The following ZNF638 variants were observed in gnomAD, a reference collection of about 807,000 sequenced individuals.
ZNF638 encodes the protein zinc finger protein 638.
Under a neutral mutation model 195.6 loss-of-function variants are expected in ZNF638, and 46 were observed. That is an observed-to-expected ratio of 0.24 (90% confidence interval 0.19 to 0.30). ZNF638 has a LOEUF of 0.30. Among genes scored for constraint, ZNF638 ranks in the 10% least tolerant of loss-of-function variants. The pLI is 1.00. For missense variants in ZNF638, 2,440 were observed against 2,325.3 expected, an observed-to-expected ratio of 1.05 and a Z score of -1.01; for synonymous variants, 845 against 772.0, an observed-to-expected ratio of 1.09 and a Z score of -1.57.
At chr2:71,403,539 C>G (rs529464015) in intron 16 of ZNF638, among the ~76,000 whole-genome samples, 2 of 152,236 alleles carry the variant, frequency 1.3e-5, no homozygotes, top group South Asian at 4.1e-4. Flanking sequence ...AGAAATATAT[C>G]TGCTACATGC....
At chr2:71,426,331 G>A (rs530611929) in intron 23 of ZNF638, 129 bp from the exon 24 acceptor site, 1 of 663,374 alleles carries the variant, frequency 1.5e-6, no homozygotes, top group Admixed American at 3.5e-5. Flanking sequence ...CTTAATTTTA[G>A]CCTTTAGGAA....
rs368438619 is a variant in ZNF638, at chr2:71,430,740, C to T, written c.5651-587C>T. On this transcript the variant is annotated intron_variant, in intron 25 of 27. Coordinates refer to ENST00000264447, the MANE Select transcript of ZNF638 (RefSeq NM_014497.5). ...AGGCAACAGTAAGGCATTTCAGCTA[C>T]TGAGGGTAATCAGAATTGCTTGGAA... 1.2e-3 allele frequency among the ~76,000 whole-genome samples: 186 copies of T among 152,306 alleles called. 7 individuals carry two copies. The South Asian group carries it at 0.037, about 30-fold the overall frequency.
chr2:71,391,614 T>C (rs1181507434), intron 10 of ZNF638, among the ~76,000 whole-genome samples: 2 of 152,238 alleles, frequency 1.3e-5, no homozygotes, highest in Non-Finnish European at 2.9e-5. Context: ...CTTGGAAATA[T>C]CTTAGGTACA....
intron 11 of ZNF638, among the ~76,000 whole-genome samples, chr2:71,397,469 G>A (rs1438817719): frequency 1.3e-5 from 2 of 152,110 alleles, no homozygotes; most frequent in African/African-American, 2.4e-5. Context: ...TAAACTTTCA[G>A]TTGATTTTTT....
chr2:71,396,643 A>T (rs1384253408), intron 11 of ZNF638, among the ~76,000 whole-genome samples: 1 of 152,170 alleles, frequency 6.6e-6, no homozygotes. Context: ...ATAGAAATCA[A>T]TGTATTAAAT....
At chr2:71,350,616 G>C (rs2078923888) in intron 2 of ZNF638, among the ~76,000 whole-genome samples, 1 of 152,160 alleles carries the variant, frequency 6.6e-6, no homozygotes, top group Non-Finnish European at 1.5e-5. Flanking sequence ...AAAAGGATCT[G>C]TTAGTATAAA....
intron 2 of ZNF638, among the ~76,000 whole-genome samples, chr2:71,354,303 T>C (rs1250097758): frequency 6.6e-6 from 1 of 151,658 alleles, no homozygotes; most frequent in Non-Finnish European, 1.5e-5. Flanking sequence ...TTTAACTAAT[T>C]GTTTCACCTT....
At chr2:71,393,971 T>C (rs1375239679) in intron 10 of ZNF638, among the ~76,000 whole-genome samples, 1 of 152,198 alleles carries the variant, frequency 6.6e-6, no homozygotes, top group African/African-American at 2.4e-5. Context: ...GGAATTGCCT[T>C]AACATTCTTG....
At chr2:71,404,145 C>T (rs1351173705) in intron 17 of ZNF638, 147 bp downstream of exon 17, 3 of 725,614 alleles carry the variant, frequency 4.1e-6, no homozygotes, top group Admixed American at 2.6e-5. Flanking sequence ...CAACAATCAC[C>T]CAGTCACCCA....
intron 2 of ZNF638, among the ~76,000 whole-genome samples, chr2:71,350,624 A>G (rs2078924004): frequency 6.6e-6 from 1 of 152,236 alleles, no homozygotes; most frequent in Admixed American, 6.5e-5. Flanking sequence ...CTGTTAGTAT[A>G]AAAATACAAA....
At position 71,369,950 on chromosome 2, in the gene ZNF638, T is replaced by A; in HGVS notation, c.2210T>A (p.Leu737His). The change falls in exon 8 of 28, where the codon CTT (leucine) becomes CAT (histidine). Residue 737 changes from leucine (L) to histidine (H), a missense_variant. Transcript: ENST00000264447. ...ATGAAGTACATTGAAACAACACCTCTTACGATAAAAGGAAAAAGTGTGAAA... is the reference window on the plus strand; with the variant it reads ...ATGAAGTACATTGAAACAACACCTCATACGATAAAAGGAAAAAGTGTGAAA... ...AIMKYIETTP[L>H]TIKGKSVKIC... is the part of the protein sequence containing the mutation. 1 of 1,599,364 alleles carries A rather than the reference T, an allele frequency of 6.3e-7. No individual in the cohort carries two copies.
At chr2:71,381,692 T>C (rs2079537567) in intron 10 of ZNF638, among the ~76,000 whole-genome samples, 1 of 152,174 alleles carries the variant, frequency 6.6e-6, no homozygotes, top group African/African-American at 2.4e-5. Flanking sequence ...GTTTGGGGTG[T>C]GTGTTATAGC....
chr2:71,334,029 C>G (rs1193704444), intron 1 of ZNF638, among the ~76,000 whole-genome samples: 2 of 152,220 alleles, frequency 1.3e-5, no homozygotes, highest in Non-Finnish European at 2.9e-5. Flanking sequence ...ATCTAACTTT[C>G]ATTAAAATAT....
chr2:71,433,883 A>C (rs566934850), intron 27 of ZNF638, among the ~76,000 whole-genome samples: 2 of 152,198 alleles, frequency 1.3e-5, no homozygotes, highest in Non-Finnish European at 2.9e-5. Flanking sequence ...GGTAGATGCT[A>C]TTATTCCAAT....
chr2:71,353,186 C>T (rs1210988000), intron 2 of ZNF638, among the ~76,000 whole-genome samples: 2 of 152,098 alleles, frequency 1.3e-5, no homozygotes, highest in African/African-American at 2.4e-5. Flanking sequence ...TGTATATTCC[C>T]CACCTTCGAG....
intron 20 of ZNF638, among the ~76,000 whole-genome samples, chr2:71,409,313 C>G (rs2080165923): frequency 6.6e-6 from 1 of 152,084 alleles, no homozygotes; most frequent in Non-Finnish European, 1.5e-5. Context: ...TCTATATTAT[C>G]TTCTCTTCAA....
intron 3 of ZNF638, among the ~76,000 whole-genome samples, chr2:71,360,786 C>G (rs1394577427): frequency 6.6e-6 from 1 of 152,166 alleles, no homozygotes; most frequent in African/African-American, 2.4e-5. Flanking sequence ...TATCAGTTAA[C>G]TAGGTCCTTG....
At chr2:71,409,473 T>G (rs2080169144) in intron 20 of ZNF638, among the ~76,000 whole-genome samples, 1 of 152,194 alleles carries the variant, frequency 6.6e-6, no homozygotes, top group South Asian at 2.1e-4. Context: ...GTATCATGAT[T>G]ATGAAGATAT....
chr2:71,363,594 GA>G (rs2079145570), intron 4 of ZNF638, among the ~76,000 whole-genome samples: 1 of 152,118 alleles, frequency 6.6e-6, no homozygotes, highest in Non-Finnish European at 1.5e-5. Flanking sequence ...AAAAATTATT[GA>G]AAACATCTGT....
Sources: gnomAD v4.1 joint callset for allele counts (sites outside exome capture counted in the v4.1 genomes callset) on GRCh38, gnomAD v4.1.1 for gene constraint, MANE v1.5 for transcripts, NCBI Gene and HGNC (gene_info 2026-07-23, HGNC 2026-07-21) for gene names.